The following CNKSR2 variants were observed in gnomAD, a reference collection of about 807,000 sequenced individuals.
CNKSR2 encodes CNK homolog protein 2.
CNKSR2 carries 14 observed loss-of-function variants against 84.4 expected under a neutral mutation model. That is an observed-to-expected ratio of 0.17 (90% CI 0.11 to 0.26). CNKSR2 has a LOEUF of 0.26. CNKSR2 is among the 10% of genes least tolerant of loss of function. CNKSR2 has a pLI of 1.00. For synonymous variants in CNKSR2, 275 were observed against 277.9 expected (o/e 0.99, Z 0.10); for missense variants, 485 against 771.2 (o/e 0.63, Z 4.40).
chrX:21,426,316 A>G, intron 1 of CNKSR2, 181 bp from the exon 2 acceptor site: 1 of 410,373 alleles, frequency 2.4e-6, no homozygotes, highest in South Asian at 4.4e-5. Flanking sequence ...TGATGAAGTG[A>G]TTTTCTTTTT....
chrX:21,526,221 T>C (rs2147113294), intron 9 of CNKSR2, among the ~76,000 whole-genome samples: 1 of 111,463 alleles, frequency 9.0e-6, no homozygotes, highest in African/African-American at 3.2e-5. Context: ...GGTGAAATGA[T>C]TGTGTTACAT....
At chrX:21,592,673 A>G (rs2092428100) in intron 15 of CNKSR2, 1 of 111,477 alleles carries the variant, frequency 9.0e-6, no homozygotes, top group Non-Finnish European at 1.9e-5. Flanking sequence ...TATATCACCT[A>G]TATAAAAATA....
At chrX:21,383,117 C>T (rs983321657) in intron 1 of CNKSR2, among the ~76,000 whole-genome samples, 11 of 112,273 alleles carry the variant, frequency 9.8e-5, no homozygotes. Context: ...TTATAAAACA[C>T]CATCAGGCTT....
intron 13 of CNKSR2, among the ~76,000 whole-genome samples, chrX:21,576,268 G>A (rs112903457): frequency 0.053 from 5,958 of 111,860 alleles, 193 homozygotes; most frequent in Non-Finnish European, 0.075. Context: ...GTAACAAAAA[G>A]ATAACAAGTA....
At chrX:21,600,296 G>A (rs941250835) in intron 17 of CNKSR2, among the ~76,000 whole-genome samples, 1 of 111,864 alleles carries the variant, frequency 8.9e-6, no homozygotes, top group African/African-American at 3.2e-5. Context: ...AAATGTCTTA[G>A]GAGAAAAAGT....
At chrX:21,492,558 TA>T (rs1345421456) in intron 6 of CNKSR2, 3 of 110,291 alleles carry the variant, frequency 2.7e-5, no homozygotes, top group Non-Finnish European at 3.8e-5. Context: ...AAGCTTTTTT[TA>T]CTATTCCACA....
chrX:21,391,650 A>G (rs1054194429), intron 1 of CNKSR2, among the ~76,000 whole-genome samples: 3 of 112,143 alleles, frequency 2.7e-5, no homozygotes, highest in African/African-American at 9.7e-5. Context: ...AGGGGCTGCT[A>G]TGAAAGTTTC....
rs1342467169 is a variant in CNKSR2, at chrX:21,546,815, T to G, written c.1304-14656T>G. 3.6e-5 allele frequency among the ~76,000 whole-genome samples: 4 copies of G among 111,846 alleles called. No individual in the cohort carries two copies. The East Asian group carries it at 1.1e-3, about 31-fold the overall frequency. ...AAAGAATTTTCAACCCAGAATTTCA[T>G]ATTCAGCCAAACTAAGATTCATAAG... On this transcript the variant is annotated intron_variant, in intron 11 of 21. Transcript: ENST00000379510.
intron 20 of CNKSR2, among the ~76,000 whole-genome samples, chrX:21,646,895 C>T (rs1429688672): frequency 9.8e-5 from 11 of 111,903 alleles, no homozygotes; most frequent in Non-Finnish European, 1.5e-4. Flanking sequence ...TAGACTTATG[C>T]TGTTTAAATG....
intron 20 of CNKSR2, chrX:21,643,593 G>A (rs1281813294): frequency 9.0e-6 from 1 of 111,551 alleles, no homozygotes; most frequent in Non-Finnish European, 1.9e-5. Context: ...GCAAATGTTG[G>A]TGGAGTCACT....
chrX:21,540,065 A>G (rs1347846349), intron 11 of CNKSR2, among the ~76,000 whole-genome samples: 2 of 112,159 alleles, frequency 1.8e-5, no homozygotes, highest in African/African-American at 6.5e-5. Context: ...ACAAAAATGA[A>G]TAAAACCATA....
chrX:21,454,890 A>G (rs1601811714), intron 4 of CNKSR2, among the ~76,000 whole-genome samples: 1 of 112,068 alleles, frequency 8.9e-6, no homozygotes, highest in East Asian at 2.8e-4. Flanking sequence ...GCAGGCTGGG[A>G]CAGGTTAAAT....
chrX:21,586,760 A>G (rs1483701788), intron 13 of CNKSR2, among the ~76,000 whole-genome samples: 1 of 111,678 alleles, frequency 9.0e-6, no homozygotes, highest in Non-Finnish European at 1.9e-5. Flanking sequence ...TATATGAAAT[A>G]AACACTCTAT....
At chrX:21,564,505 G>T (rs1040038245) in intron 13 of CNKSR2, among the ~76,000 whole-genome samples, 1 of 111,566 alleles carries the variant, frequency 9.0e-6, no homozygotes, top group Non-Finnish European at 1.9e-5. Flanking sequence ...TGTGTCACTG[G>T]AACTATAGCT....
At position 21,571,684 on chromosome X, in the gene CNKSR2, A is replaced by G. The variant is rs768677058; in HGVS notation, c.1608+8232A>G. 7.1e-5 allele frequency among the ~76,000 whole-genome samples: 8 copies of G among 112,307 alleles called. No individual in the cohort carries two copies. The South Asian group carries it at 3.0e-3, about 41-fold the overall frequency. ...TTCACACCTTTGTGTGACTAAAGCC[A>G]TATCTGCTCATAAGGATTTTATCAT... On this transcript the variant is annotated intron_variant, in intron 13 of 21. Transcript: ENST00000379510.
rs1479151864 is a variant in CNKSR2, at chrX:21,652,298, C to T, written c.2890-8C>T. 2 of 1,185,683 alleles carry T rather than the reference C, an allele frequency of 1.7e-6. No homozygotes were observed. The highest frequency in any genetic ancestry group is 2.3e-5 in the Admixed American group (1 of 43,894). The stretch of plus-strand genomic sequence containing the variant: ...CTGTCTTAATTGTTGAATCCTTTTT[C>T]TTTTCAGGCCAGAGAAGGGGAAGTA... On this transcript the variant is annotated splice_region_variant and splice_polypyrimidine_tract_variant and intron_variant, in intron 21 of 21. Transcript: ENST00000379510.
At chrX:21,383,983 G>C (rs1379824468) in intron 1 of CNKSR2, among the ~76,000 whole-genome samples, 5 of 111,108 alleles carry the variant, frequency 4.5e-5, no homozygotes, top group African/African-American at 1.6e-4. Flanking sequence ...TTTTAATTTT[G>C]GTGTGTTTTT....
chrX:21,426,825 T>C (rs1369230586), intron 2 of CNKSR2, 165 bp downstream of exon 2: 1 of 507,849 alleles, frequency 2.0e-6, no homozygotes, highest in African/African-American at 2.5e-5. Context: ...AAATTTATTA[T>C]ATTAGTGCCA....
rs140707234 is a variant in CNKSR2 at position 21,503,554 on chromosome X, A to G, written c.810+1966A>G. On this transcript the variant is annotated intron_variant, in intron 8 of 21. Transcript: ENST00000379510. ...AAACTCAAAGTTCTTTGACTCTAAG[A>G]CCCATGTTCTTACTTCAATTTTATT... is the stretch of plus-strand genomic sequence containing the variant. The G allele has an allele frequency of 4.2e-3, 952 of 225,811 alleles. 6 individuals are homozygous for G. Among genetic ancestry groups the G allele is most frequent in the African/African-American group, 0.025 (854 of 34,543 alleles). The allele number at this position is 225,811 out of a possible 1,213,427, so 18.6% of individuals were successfully genotyped here.
Sources: allele counts gnomAD v4.1 joint callset (sites outside exome capture counted in the v4.1 genomes callset), GRCh38; gene constraint gnomAD v4.1.1; transcripts MANE v1.5; gene names NCBI Gene and HGNC (gene_info 2026-07-23, HGNC 2026-07-21).